The following PLEKHD1 variants were observed in gnomAD, a reference collection of about 807,000 sequenced individuals.
The protein encoded by PLEKHD1 is pleckstrin homology domain-containing family D member 1.
PLEKHD1 carries 51 observed loss-of-function variants against 69.2 expected under a neutral mutation model. The ratio of observed to expected loss-of-function variants is 0.74; its 90% CI spans 0.59 to 0.93. The LOEUF (loss-of-function observed/expected upper bound fraction) is 0.93. Among genes scored for constraint, PLEKHD1 ranks in the 40% least tolerant of loss-of-function variants. PLEKHD1 has a pLI of 0.00. For missense variants in PLEKHD1, 584 were observed against 641.0 expected, an observed-to-expected ratio of 0.91 and a Z score of 0.96; for synonymous variants, 236 against 244.7, an observed-to-expected ratio of 0.96 and a Z score of 0.33.
rs541020317 is a variant in PLEKHD1 at position 69,495,662 on chromosome 14, C to T, written c.150-4453C>T. Among the ~76,000 whole-genome samples the T allele has an allele frequency of 1.9e-3, 296 of 152,346 alleles. 2 individuals carry two copies. The highest frequency in any genetic ancestry group is 6.9e-3 in the African/African-American group (285 of 41,582). On this transcript the variant is annotated intron_variant, in intron 1 of 12. Transcript: ENST00000322564. ...CCATAGAGCCCTATGCAATCTGGCCCAACTGCCGCAGCCTTGCAGTTCCCT... is the reference window on the plus strand; with the variant it reads ...CCATAGAGCCCTATGCAATCTGGCCTAACTGCCGCAGCCTTGCAGTTCCCT...
intron 1 of PLEKHD1, among the ~76,000 whole-genome samples, chr14:69,491,703 A>G (rs1882780009): frequency 6.6e-6 from 1 of 152,172 alleles, no homozygotes; most frequent in Non-Finnish European, 1.5e-5. Flanking sequence ...ATCATGAGGC[A>G]GTGGTGACCA....
chr14:69,501,417 T>C, intron 4 of PLEKHD1: 1 of 331,546 alleles, frequency 3.0e-6, no homozygotes, highest in Non-Finnish European at 5.6e-6. Context: ...TGGCAGGCCT[T>C]GCACTGGGTA....
At chr14:69,525,779 G>C (rs1883630981) in intron 8 of PLEKHD1, among the ~76,000 whole-genome samples, 165 bp from the exon 9 acceptor site, 1 of 152,176 alleles carries the variant, frequency 6.6e-6, no homozygotes, top group Non-Finnish European at 1.5e-5. Context: ...CCTGTTGTGG[G>C]AGAGATCTGG....
In PLEKHD1 at chr14:69,527,249, G is replaced by A. The variant is rs770677901; in HGVS notation, c.1118G>A (p.Arg373Gln). ...RRLREAEGAL[R>Q]SLEQGLNSKV... The stretch of plus-strand genomic sequence containing the variant: ...CTCCGGGAGGCAGAAGGGGCCTTGC[G>A]AAGCCTGGAACAGGGGCTGAATTCC... The change falls in exon 11 of 13, where the codon CGA becomes CAA. Residue 373 changes from arginine (R) to glutamine (Q), a missense_variant. Coordinates refer to ENST00000322564, the MANE Select transcript of PLEKHD1 (RefSeq NM_001161498.2). 5.0e-5 allele frequency: 78 copies of A among 1,551,616 alleles called. 1 individual carries two copies. Among genetic ancestry groups the A allele is most frequent in the South Asian group, 4.3e-4 (36 of 84,060 alleles).
At chr14:69,519,223 G>T (rs1883454278) in intron 6 of PLEKHD1, among the ~76,000 whole-genome samples, 1 of 152,064 alleles carries the variant, frequency 6.6e-6, no homozygotes, top group Admixed American at 6.6e-5. Context: ...TCAGGGAGTG[G>T]CAGGGCTGAG....
chr14:69,519,885 C>A (rs976733370), intron 6 of PLEKHD1, among the ~76,000 whole-genome samples: 1 of 152,056 alleles, frequency 6.6e-6, no homozygotes, highest in Non-Finnish European at 1.5e-5. Context: ...CGCCTGGCCG[C>A]GCACGGTGGC....
intron 2 of PLEKHD1, 48 bp from the exon 3 acceptor site, chr14:69,500,529 G>T: frequency 6.8e-7 from 1 of 1,466,248 alleles, no homozygotes; most frequent in Non-Finnish European, 9.2e-7. Flanking sequence ...ACCCCTGAGT[G>T]ACCCCAGTTG....
rs1264368534 is a variant in PLEKHD1 at position 69,528,903 on chromosome 14, T to C, written c.*484T>C. The C allele has an allele frequency of 1.3e-5, 2 of 158,822 alleles. No individual in the cohort carries two copies. The highest frequency in any genetic ancestry group is 2.8e-5 in the Non-Finnish European group (2 of 72,272). The allele number at this position is 158,822 out of a possible 1,614,324, so 9.8% of individuals were successfully genotyped here. On this transcript the variant is annotated 3_prime_UTR_variant, in exon 13 of 13. Transcript: ENST00000322564. ...CCTTGACATTCCCTTTTCCCCAGGGTTTCCTAACCCTCCCTTTGCTTCTGA... is the reference window on the plus strand; with the variant it reads ...CCTTGACATTCCCTTTTCCCCAGGGCTTCCTAACCCTCCCTTTGCTTCTGA...
At chr14:69,489,005 T>C (rs942194525) in intron 1 of PLEKHD1, among the ~76,000 whole-genome samples, 2 of 129,462 alleles carry the variant, frequency 1.5e-5, no homozygotes, top group Admixed American at 1.5e-4. Flanking sequence ...AATGAAATGA[T>C]ACACATCAGG....
chr14:69,505,140 A>G (rs1024742323), intron 6 of PLEKHD1, among the ~76,000 whole-genome samples: 4 of 152,166 alleles, frequency 2.6e-5, no homozygotes, highest in Non-Finnish European at 5.9e-5. Flanking sequence ...GTCAGCTGTG[A>G]ACTCCCTGGC....
At chr14:69,488,881 C>T (rs1265570965) in intron 1 of PLEKHD1, among the ~76,000 whole-genome samples, 1 of 152,218 alleles carries the variant, frequency 6.6e-6, no homozygotes, top group Non-Finnish European at 1.5e-5. Context: ...TTTTCTGAGT[C>T]TCCTCAGATT....
intron 1 of PLEKHD1, among the ~76,000 whole-genome samples, chr14:69,492,137 C>G (rs542000682): frequency 6.6e-6 from 1 of 152,164 alleles, no homozygotes; most frequent in Non-Finnish European, 1.5e-5. Context: ...CTCCTTACCG[C>G]ACCTCCCCTG....
In PLEKHD1 at chr14:69,484,867, G is replaced by A. The variant is rs1882617904; in HGVS notation, c.-99G>A. 1 of 1,394,918 alleles carries A rather than the reference G, an allele frequency of 7.2e-7. No individual in the cohort carries two copies. The highest frequency in any genetic ancestry group is 1.4e-5 in the African/African-American group (1 of 69,926). The allele number at this position is 1,394,918 out of a possible 1,614,324, so 86.4% of individuals were successfully genotyped here. The stretch of plus-strand genomic sequence containing the variant: ...GGGCCGCTCTGCTTCTCTGCTCGCT[G>A]GGACGCTCTCCGACGGCTCCGCCCT... On this transcript the variant is annotated 5_prime_UTR_variant, in exon 1 of 13. The change creates a premature stop within an existing upstream ORF in the 5' untranslated region. Transcript: ENST00000322564.
At chr14:69,508,611 A>G (rs1157385030) in intron 6 of PLEKHD1, among the ~76,000 whole-genome samples, 3 of 152,108 alleles carry the variant, frequency 2.0e-5, no homozygotes, top group Admixed American at 6.5e-5. Flanking sequence ...GCCTGCCACA[A>G]TCCCTGGTGG....
chr14:69,482,434 G>A (rs1173749811), upstream of PLEKHD1, among the ~76,000 whole-genome samples: 1 of 152,228 alleles, frequency 6.6e-6, no homozygotes. Flanking sequence ...CAGGGAGCCA[G>A]GCCTGAGGCA....
chr14:69,522,406 G>C, intron 7 of PLEKHD1, 29 bp downstream of exon 7: 1 of 1,549,314 alleles, frequency 6.5e-7, no homozygotes, highest in Non-Finnish European at 8.7e-7. Context: ...AATTGGGGGT[G>C]CCACTAAGTT....
intron 10 of PLEKHD1, 98 bp from the exon 11 acceptor site, chr14:69,527,090 G>T: frequency 2.9e-6 from 4 of 1,385,330 alleles, no homozygotes; most frequent in Non-Finnish European, 3.9e-6. Flanking sequence ...TCCCATCCAC[G>T]CCCATTGAGC....
Position 69,527,290 on chromosome 14 carries a change from G to T in PLEKHD1, c.1159G>T (p.Glu387Ter). Residue 387 changes from glutamate (E) to a stop codon, truncating the protein, a stop_gained, in exon 11 of 13, where the codon GAG (glutamate) becomes TAG (stop). Coordinates refer to ENST00000322564, the MANE Select transcript of PLEKHD1 (RefSeq NM_001161498.2). LOFTEE classifies it high-confidence loss of function. ...QGLNSKVRNK[E>*]KEERMRADVS... ...GCTGAATTCCAAGGTGCGGAATAAG[G>T]AGAAGGAGGAGAGGATGCGGGCTGA... 1 of 1,551,804 alleles carries T rather than the reference G, an allele frequency of 6.4e-7. No individual in the cohort carries two copies. The highest frequency in any genetic ancestry group is 8.7e-7 in the Non-Finnish European group (1 of 1,147,012).
At chr14:69,477,990 T>C in the PLEKHD1 span, among the ~76,000 whole-genome samples, 2 of 152,382 alleles carry the variant, frequency 1.3e-5, no homozygotes, top group Admixed American at 1.3e-4. Flanking sequence ...ATTTCCCTTC[T>C]GCACTGCCCT....
Sources: allele counts gnomAD v4.1 joint callset (sites outside exome capture counted in the v4.1 genomes callset), GRCh38; gene constraint gnomAD v4.1.1; transcripts MANE v1.5; gene names NCBI Gene and HGNC (gene_info 2026-07-23, HGNC 2026-07-21).